Variants in FREM1 observed in about 807,000 individuals in gnomAD.
The protein encoded by FREM1 is FRAS1 related extracellular matrix 1.
A neutral mutation model predicts 210.1 loss-of-function variants in FREM1; 220 were observed. That is an observed-to-expected ratio of 1.05 (90% CI 0.94 to 1.17). The LOEUF is 1.17. Among genes scored for constraint, FREM1 ranks in the 50% most tolerant of loss-of-function variants. The pLI is 0.00. For missense variants in FREM1, 3,454 were observed against 2,675.5 expected (o/e 1.29, Z -6.42); for synonymous variants, 1,189 against 980.2 (o/e 1.21, Z -3.98).
chr9:14,899,528 T>C (rs527244787), intron 1 of FREM1, among the ~76,000 whole-genome samples: 2 of 152,282 alleles, frequency 1.3e-5, no homozygotes, highest in East Asian at 3.9e-4. Context: ...AGATGTCTCA[T>C]TTGTTGAAAA....
chr9:14,877,818 C>G (rs1428817857), intron 1 of FREM1, among the ~76,000 whole-genome samples: 1 of 152,176 alleles, frequency 6.6e-6, no homozygotes, highest in East Asian at 1.9e-4. Flanking sequence ...GAGAACCCAG[C>G]TAAGCCATAA....
intron 1 of FREM1, among the ~76,000 whole-genome samples, chr9:14,887,408 C>T (rs368371022): frequency 2.7e-4 from 41 of 152,310 alleles, no homozygotes; most frequent in African/African-American, 9.4e-4. Flanking sequence ...CAATCTCATG[C>T]CATTTCTTTG....
At chr9:14,774,483 G>A (rs1363309498) in intron 25 of FREM1, among the ~76,000 whole-genome samples, 2 of 150,688 alleles carry the variant, frequency 1.3e-5, no homozygotes, top group Non-Finnish European at 2.9e-5. Context: ...AAAATTGCAT[G>A]AGCCAATGAG....
chr9:14,838,268 G>A (rs1488369906), intron 10 of FREM1, among the ~76,000 whole-genome samples: 1 of 152,108 alleles, frequency 6.6e-6, no homozygotes, highest in Non-Finnish European at 1.5e-5. Context: ...TTCTGATCAC[G>A]AAAGCTACCA....
chr9:14,855,207 G>A (rs1828513862), intron 5 of FREM1, among the ~76,000 whole-genome samples: 1 of 151,978 alleles, frequency 6.6e-6, no homozygotes, highest in African/African-American at 2.4e-5. Flanking sequence ...GAATAAGTAG[G>A]TAAATCTAAG....
chr9:14,744,612 C>G (rs920196007), intron 35 of FREM1, among the ~76,000 whole-genome samples: 38 of 152,164 alleles, frequency 2.5e-4, no homozygotes, highest in Non-Finnish European at 4.4e-5. Context: ...AATTTATTCT[C>G]TTGCTGATGG....
intron 13 of FREM1, among the ~76,000 whole-genome samples, chr9:14,821,749 A>C (rs934938955): frequency 5.3e-5 from 8 of 152,216 alleles, no homozygotes; most frequent in African/African-American, 1.9e-4. Context: ...ATGGGGGCTT[A>C]GATGGTCTGG....
At chr9:14,891,383 A>ATCTCT (rs1836792067) in intron 1 of FREM1, among the ~76,000 whole-genome samples, 1 of 152,238 alleles carries the variant, frequency 6.6e-6, no homozygotes, top group African/African-American at 2.4e-5. Context: ...TCTTGCCCTT[A>ATCTCT]GAGAGTGTAC....
chr9:14,781,849 G>T (rs1232365917), intron 24 of FREM1, among the ~76,000 whole-genome samples: 1 of 152,146 alleles, frequency 6.6e-6, no homozygotes, highest in Non-Finnish European at 1.5e-5. Context: ...GATTACAGGT[G>T]CCCGCCACCA....
At chr9:14,895,917 G>C (rs529827171) in intron 1 of FREM1, among the ~76,000 whole-genome samples, 59 of 152,162 alleles carry the variant, frequency 3.9e-4, no homozygotes, top group Non-Finnish European at 7.4e-4. Context: ...CTTATAAAAG[G>C]GAGGGGGGAA....
intron 7 of FREM1, among the ~76,000 whole-genome samples, chr9:14,847,400 A>AGAAGGAAGAAAGGAAG (rs1554698120): frequency 8.6e-5 from 3 of 34,872 alleles, no homozygotes; most frequent in African/African-American, 2.9e-4. Context: ...AGAGAGAAAA[A>AGAAGGAAGAAAGGAAG]GAAGGAAGGA....
intron 3 of FREM1, among the ~76,000 whole-genome samples, chr9:14,860,826 C>CATATATACGTATATATACACAT (rs1829965530): frequency 1.2e-5 from 1 of 83,704 alleles, no homozygotes; most frequent in Non-Finnish European, 2.1e-5. Flanking sequence ...CACATATATA[C>CATATATACGTATATATACACAT]ATATATACGT....
At chr9:14,830,353 C>T (rs149353266) in intron 10 of FREM1, among the ~76,000 whole-genome samples, 4 of 152,182 alleles carry the variant, frequency 2.6e-5, no homozygotes, top group East Asian at 1.9e-4. Flanking sequence ...TGGAGGGACA[C>T]GGGGGAAGGC....
chr9:14,901,045 G>C (rs1053797665), intron 1 of FREM1, among the ~76,000 whole-genome samples: 1 of 152,108 alleles, frequency 6.6e-6, no homozygotes, highest in African/African-American at 2.4e-5. Flanking sequence ...TTTTAACTTT[G>C]TTCCTTGCTG....
rs1361905867 is a variant in FREM1 at position 14,894,684 on chromosome 9, A to G, written c.-268+15230T>C. On this transcript the variant is annotated intron_variant, in intron 1 of 36. Transcript: ENST00000380880. ...ACCAAGAAAACTTTTCTATTAAGCTATTTACAGCTTTTAACAATTGAGTAA... is the reference window on the plus strand; with the variant it reads ...ACCAAGAAAACTTTTCTATTAAGCTGTTTACAGCTTTTAACAATTGAGTAA... Among the ~76,000 whole-genome samples the G allele has an allele frequency of 2.0e-5, 3 of 152,176 alleles. No homozygotes were observed. In the East Asian group the frequency reaches 5.8e-4, roughly 29 times the overall value.
At chr9:14,815,153 G>T (rs988427363) in intron 15 of FREM1, among the ~76,000 whole-genome samples, 2 of 152,138 alleles carry the variant, frequency 1.3e-5, no homozygotes, top group African/African-American at 4.8e-5. Context: ...AGGAACTACT[G>T]GCCAGTATGA....
At chr9:14,813,210 T>A in intron 15 of FREM1, 146 bp from the exon 16 acceptor site, 1 of 823,268 alleles carries the variant, frequency 1.2e-6, no homozygotes, top group Non-Finnish European at 1.8e-6. Context: ...GGCCAAGTAA[T>A]CTGTGTCTTT....
rs1463398200 is a variant in FREM1, at chr9:14,784,598, G to C, written c.4214C>G (p.Ser1405Cys). Reference sequence around the variant, plus strand: ...TGTTAAGAAACCTCTATCACCTTTAGACACCACGAGTGGTTTTGTAAGGAT... The same window carrying C: ...TGTTAAGAAACCTCTATCACCTTTACACACCACGAGTGGTTTTGTAAGGAT... The part of the protein sequence containing the change: ...IVILTKPLVV[S>C]KGDRGFLTTT... Residue 1405 changes from serine to cysteine, a missense_variant, in exon 24 of 37, where the codon TCT becomes TGT. Coordinates refer to ENST00000380880, the MANE Select transcript of FREM1 (RefSeq NM_001379081.2). The C allele has an allele frequency of 2.5e-6, 4 of 1,602,648 alleles. No homozygotes were observed. Among genetic ancestry groups the C allele is most frequent in the Middle Eastern group, 1.7e-4 (1 of 6,032 alleles).
rs966698769 is a variant in FREM1 at position 14,824,826 on chromosome 9, G to A, written c.2048C>T (p.Thr683Ile). ...SYDRELVYTI[T>I]TPPFFSFSHR... ...GCTGAAGGAGAAAAATGGAGGAGTA[G>A]TTATTGTGTAGACCAGCTCCCTGTC... is the stretch of plus-strand genomic sequence containing the variant. The change falls in exon 11 of 37, where the codon ACT (threonine) becomes ATT (isoleucine). Residue 683 changes from threonine (T) to isoleucine (I), a missense_variant. By Grantham distance (89) the Thr-to-Ile change is moderately conservative. Coordinates refer to ENST00000380880, the MANE Select transcript of FREM1 (RefSeq NM_001379081.2). 4.3e-6 allele frequency: 7 copies of A among 1,612,568 alleles called. No individual in the cohort carries two copies. The highest frequency in any genetic ancestry group is 2.2e-5 in the East Asian group (1 of 44,868).
Sources: allele counts gnomAD v4.1 joint callset (sites outside exome capture counted in the v4.1 genomes callset), GRCh38; gene constraint gnomAD v4.1.1; transcripts MANE v1.5; gene names NCBI Gene and HGNC (gene_info 2026-07-23, HGNC 2026-07-21).